The following YWHAE variants were observed in gnomAD, a reference collection of about 807,000 sequenced individuals.
YWHAE encodes 14-3-3 protein epsilon.
Under a neutral mutation model 30.1 loss-of-function variants are expected in YWHAE, and 4 were observed. The observed-to-expected ratio is 0.13, with a 90% CI of 0.07 to 0.30. The LOEUF (loss-of-function observed/expected upper bound fraction) is 0.30, where lower values mean the gene tolerates loss of function less well. YWHAE is among the 10% of genes least tolerant of loss of function. The probability of loss-of-function intolerance (pLI) is 1.00; values close to 1 mark genes in which losing one functional copy is unlikely to be tolerated. For missense variants in YWHAE, 121 were observed against 315.9 expected, an observed-to-expected ratio of 0.38 and a Z score of 4.68; for synonymous variants, 118 against 111.8, an observed-to-expected ratio of 1.06 and a Z score of -0.35.
chr17:1,355,690 C>T (rs2072729120), intron 4 of YWHAE, among the ~76,000 whole-genome samples: 1 of 152,000 alleles, frequency 6.6e-6, no homozygotes, highest in Non-Finnish European at 1.5e-5. Context: ...AATCTAAGTC[C>T]ACATCAACTT....
chr17:1,400,179 T>G lies in YWHAE; in HGVS notation c.-69A>C. The stretch of plus-strand genomic sequence containing the variant: ...GATAGTGTCTCCGACTCTCTCAGCC[T>G]CTCGCTCCGCGTCCGGGCAGCAAAA... On this transcript the variant is annotated 5_prime_UTR_variant, in exon 1 of 6. Coordinates refer to ENST00000264335, the MANE Select transcript of YWHAE (RefSeq NM_006761.5). 6.3e-7 allele frequency: 1 copy of G among 1,584,334 alleles called. No homozygotes were observed. The highest frequency in any genetic ancestry group is 8.7e-7 in the Non-Finnish European group (1 of 1,155,118).
intron 1 of YWHAE, among the ~76,000 whole-genome samples, chr17:1,394,449 A>AAAAAAAAAAAAAAAAACAAAC (rs2073435234): frequency 2.7e-5 from 4 of 149,088 alleles, no homozygotes; most frequent in African/African-American, 1.0e-4. Flanking sequence ...AAAAAAAAAA[A>AAAAAAAAAAAAAAAAACAAAC]AAAAAAAAAA....
intron 1 of YWHAE, among the ~76,000 whole-genome samples, chr17:1,376,456 T>C (rs1567974655): frequency 6.6e-6 from 1 of 152,134 alleles, no homozygotes; most frequent in Admixed American, 6.6e-5. Context: ...ACGCATTTCT[T>C]TTTCCACCTA....
In YWHAE at chr17:1,376,065, C is replaced by T. The variant is rs145690362; in HGVS notation, c.65-11007G>A. On this transcript the variant is annotated intron_variant, in intron 1 of 5. Transcript: ENST00000264335. ...GAATATCTCCATATACTGAAGAACA[C>T]GAAGGTTAAACTTGTTCCAGATCAC... Among the ~76,000 whole-genome samples the T allele has an allele frequency of 2.0e-4, 30 of 152,294 alleles. No individual in the cohort carries two copies. The East Asian group carries it at 3.3e-3, about 17-fold the overall frequency.
chr17:1,389,969 G>A (rs549108332), intron 1 of YWHAE, among the ~76,000 whole-genome samples: 7 of 152,066 alleles, frequency 4.6e-5, no homozygotes, highest in East Asian at 1.9e-4. Flanking sequence ...TCAGCCTCCC[G>A]AGGAGCTGGG....
intron 1 of YWHAE, among the ~76,000 whole-genome samples, chr17:1,390,072 G>A (rs766896817): frequency 2.6e-5 from 4 of 151,918 alleles, no homozygotes; most frequent in South Asian, 2.1e-4. Flanking sequence ...TTGAACTCCC[G>A]ACCTCAGGTG....
chr17:1,346,111 T>C (rs1598217869), intron 5 of YWHAE, among the ~76,000 whole-genome samples: 2 of 152,196 alleles, frequency 1.3e-5, no homozygotes, highest in African/African-American at 4.8e-5. Context: ...ACTGAGGTTA[T>C]TAAAGAATGG....
chr17:1,378,996 A>G (rs964355188), intron 1 of YWHAE, among the ~76,000 whole-genome samples: 8 of 152,208 alleles, frequency 5.3e-5, no homozygotes, highest in African/African-American at 1.9e-4. Flanking sequence ...GAAAGTTACA[A>G]AACATTCTCA....
intron 1 of YWHAE, among the ~76,000 whole-genome samples, chr17:1,384,064 C>T (rs907986163): frequency 1.3e-5 from 2 of 152,128 alleles, no homozygotes; most frequent in South Asian, 2.1e-4. Context: ...CAATTAGCCA[C>T]GCGTTAAGCA....
intron 4 of YWHAE, among the ~76,000 whole-genome samples, chr17:1,357,485 C>T (rs912957402): frequency 1.3e-5 from 2 of 150,864 alleles, no homozygotes; most frequent in East Asian, 3.9e-4. Context: ...GAGGCTGAGG[C>T]GAGAGAATCG....
intron 2 of YWHAE, among the ~76,000 whole-genome samples, chr17:1,364,521 T>C (rs1480735511): frequency 1.3e-5 from 2 of 152,246 alleles, no homozygotes; most frequent in African/African-American, 4.8e-5. Context: ...CCACCGCGCC[T>C]GGCCAACCCA....
chr17:1,382,752 C>T (rs914078258), intron 1 of YWHAE, among the ~76,000 whole-genome samples: 10 of 152,102 alleles, frequency 6.6e-5, no homozygotes, highest in Admixed American at 2.0e-4. Context: ...AGGCCAGGTG[C>T]GGTGGCTCAT....
Position 1,345,210 on chromosome 17 carries a change from G to A in YWHAE, c.*237C>T. On this transcript the variant is annotated 3_prime_UTR_variant, in exon 6 of 6. Transcript: ENST00000264335. ...AAAGCCTCTATGTAGTCCTGTTAGTGTCTTAAAGAACCTAAAAGCTGGGAC... is the reference window on the plus strand; with the variant it reads ...AAAGCCTCTATGTAGTCCTGTTAGTATCTTAAAGAACCTAAAAGCTGGGAC... 1.8e-6 allele frequency: 1 copy of A among 562,208 alleles called. No homozygotes were observed. The highest frequency in any genetic ancestry group is 3.3e-5 in the Admixed American group (1 of 29,904). The allele number at this position is 562,208 out of a possible 1,614,324, so 34.8% of individuals were successfully genotyped here.
At chr17:1,392,192 A>C (rs1413019202) in intron 1 of YWHAE, among the ~76,000 whole-genome samples, 3 of 151,994 alleles carry the variant, frequency 2.0e-5, no homozygotes, top group Admixed American at 1.3e-4. Context: ...CTCGGGAAAA[A>C]AGAAAAAGAA....
chr17:1,392,298 C>G (rs1219334701), intron 1 of YWHAE, among the ~76,000 whole-genome samples: 1 of 152,086 alleles, frequency 6.6e-6, no homozygotes, highest in East Asian at 1.9e-4. Flanking sequence ...TCATTTGGGC[C>G]TGGGAGGTTG....
At chr17:1,372,381 T>C (rs998276950) in intron 1 of YWHAE, among the ~76,000 whole-genome samples, 1 of 152,250 alleles carries the variant, frequency 6.6e-6, no homozygotes, top group African/African-American at 2.4e-5. Context: ...TTTCTCATCA[T>C]TGCTGTGTTC....
At chr17:1,363,796 A>G (rs1042241404) in intron 2 of YWHAE, among the ~76,000 whole-genome samples, 1 of 114,896 alleles carries the variant, frequency 8.7e-6, no homozygotes, top group African/African-American at 3.4e-5. Flanking sequence ...AACCAACCTC[A>G]CTTTCCACCT....
In YWHAE at chr17:1,360,173, G is replaced by A. The variant is rs191584742; in HGVS notation, c.578+919C>T. ...GACAGAGTTTCACCATGTTGGTCAG[G>A]TTGGTATCGAACTCCTGATCTCAGG... On this transcript the variant is annotated intron_variant, in intron 4 of 5. Transcript: ENST00000264335. Among the ~76,000 whole-genome samples, 58 of 152,182 alleles carry A rather than the reference G, an allele frequency of 3.8e-4. No individual in the cohort carries two copies. The South Asian group carries it at 1.0e-2, about 26-fold the overall frequency.
chr17:1,380,914 G>A (rs1415613787), intron 1 of YWHAE, among the ~76,000 whole-genome samples: 1 of 152,076 alleles, frequency 6.6e-6, no homozygotes, highest in East Asian at 1.9e-4. Flanking sequence ...ACAATCCCTT[G>A]TTCCCCTTCT....
Sources: allele counts gnomAD v4.1 joint callset (sites outside exome capture counted in the v4.1 genomes callset), GRCh38; gene constraint gnomAD v4.1.1; transcripts MANE v1.5; gene names NCBI Gene and HGNC (gene_info 2026-07-23, HGNC 2026-07-21).